Variants in SUCO observed in about 807,000 individuals in gnomAD.
SUCO encodes the protein SUN domain-containing ossification factor.
Under a neutral mutation model 148.1 loss-of-function variants are expected in SUCO, and 57 were observed. The observed-to-expected ratio is 0.38, with a 90% CI of 0.31 to 0.48. The LOEUF is 0.48. Among genes scored for constraint, SUCO ranks in the 20% least tolerant of loss-of-function variants. The pLI is 0.96. For synonymous variants in SUCO, 470 were observed against 502.7 expected (o/e 0.93, Z 0.87); for missense variants, 1,331 against 1,468.2 (o/e 0.91, Z 1.53).
In SUCO at chr1:172,568,627, A is replaced by G. The variant is rs558749612; in HGVS notation, c.733-392A>G. 2.0e-5 allele frequency among the ~76,000 whole-genome samples: 3 copies of G among 152,292 alleles called. No homozygotes were observed. In the South Asian group the frequency reaches 6.2e-4, roughly 32 times the overall value. The stretch of plus-strand genomic sequence containing the variant: ...AGGATATTGTGGAAATAATATTAAA[A>G]CATCTAAAATTATCTAGCTTCCTTT... On this transcript the variant is annotated intron_variant, in intron 6 of 23. Coordinates refer to ENST00000263688, the MANE Select transcript of SUCO (RefSeq NM_014283.5).
At chr1:172,559,135 C>CT (rs1285377907) in intron 6 of SUCO, among the ~76,000 whole-genome samples, 1 of 152,132 alleles carries the variant, frequency 6.6e-6, no homozygotes, top group African/African-American at 2.4e-5. Context: ...GTGCTAGCCT[C>CT]TTATTTCAAG....
intron 17 of SUCO, among the ~76,000 whole-genome samples, chr1:172,586,217 A>G (rs1300805685): frequency 2.6e-5 from 4 of 152,144 alleles, no homozygotes; most frequent in Admixed American, 6.5e-5. Flanking sequence ...ACTCTTTTCC[A>G]TACTGGAAAT....
At chr1:172,586,063 G>A (rs1656218253) in intron 17 of SUCO, 115 bp downstream of exon 17, 3 of 602,976 alleles carry the variant, frequency 5.0e-6, no homozygotes, top group Non-Finnish European at 8.2e-6. Context: ...AGAGAGCTCT[G>A]AATCATAGGA....
intron 1 of SUCO, chr1:172,551,026 A>C (rs1653255826): frequency 8.2e-6 from 2 of 243,072 alleles, no homozygotes; most frequent in Non-Finnish European, 1.3e-5. Context: ...AAGTACTATT[A>C]ACCTCTAGTA....
intron 1 of SUCO, among the ~76,000 whole-genome samples, chr1:172,543,841 A>G (rs771752509): frequency 6.6e-6 from 1 of 152,080 alleles, no homozygotes; most frequent in Non-Finnish European, 1.5e-5. Context: ...CTTACCTATT[A>G]GCAGATAGAC....
chr1:172,571,483 C>T (rs1187923056), intron 9 of SUCO, among the ~76,000 whole-genome samples: 13 of 151,584 alleles, frequency 8.6e-5, no homozygotes, highest in South Asian at 8.4e-4. Context: ...GCCGCCACCC[C>T]GTCTGGGAAG....
rs1656441851 is a variant in SUCO at position 172,589,124 on chromosome 1, G to A, written c.2023G>A (p.Val675Ile). Residue 675 changes from valine to isoleucine, a missense_variant, in exon 18 of 24, where the codon GTT (valine) becomes ATT (isoleucine). Transcript: ENST00000263688. ...ACTACTTCCTGCGGAATCAGTAGATGTTTCAGTATTGCAACCTCTGAGTGG... is the reference window on the plus strand; with the variant it reads ...ACTACTTCCTGCGGAATCAGTAGATATTTCAGTATTGCAACCTCTGAGTGG... ...PLLLPAESVD[V>I]SVLQPLSGEL... is the part of the protein sequence containing the mutation. 1.1e-5 allele frequency: 18 copies of A among 1,613,698 alleles called. No homozygotes were observed. Among genetic ancestry groups the A allele is most frequent in the Non-Finnish European group, 1.3e-5 (15 of 1,179,794 alleles).
intron 7 of SUCO, among the ~76,000 whole-genome samples, chr1:172,569,677 C>G (rs568375499): frequency 1.1e-4 from 16 of 151,876 alleles, no homozygotes; most frequent in African/African-American, 3.6e-4. Flanking sequence ...GCACATCTTG[C>G]GTGTGTACCC....
At chr1:172,555,303 C>G in intron 3 of SUCO, 1 of 732,016 alleles carries the variant, frequency 1.4e-6, no homozygotes, top group South Asian at 6.2e-5. Context: ...TAGGGTTGAT[C>G]TTGGAGGAGG....
rs9701109 is a variant in SUCO, at chr1:172,533,319, C to T, written c.-117C>T. On this transcript the variant is annotated 5_prime_UTR_variant, in exon 1 of 24. Coordinates refer to ENST00000263688, the MANE Select transcript of SUCO (RefSeq NM_014283.5). ...GAGCCGCTCAGCCAGCGCCATAGCC[C>T]TTAGGACTATCGGTCACATTCTCGC... is the stretch of plus-strand genomic sequence containing the variant. 1 of 1,551,116 alleles carries T rather than the reference C, an allele frequency of 6.4e-7. No individual in the cohort carries two copies. The highest frequency in any genetic ancestry group is 8.7e-7 in the Non-Finnish European group (1 of 1,146,992).
chr1:172,573,030 T>TAA (rs201475169), intron 9 of SUCO, among the ~76,000 whole-genome samples: 8 of 151,318 alleles, frequency 5.3e-5, no homozygotes, highest in African/African-American at 1.9e-4. Flanking sequence ...AGCATCATTT[T>TAA]AAAAAAAAAC....
chr1:172,561,378 G>A (rs1271497283), intron 6 of SUCO, among the ~76,000 whole-genome samples: 3 of 152,174 alleles, frequency 2.0e-5, no homozygotes, highest in Non-Finnish European at 4.4e-5. Flanking sequence ...GGGGATGTTT[G>A]TGAGATTTTT....
At chr1:172,609,692 GTTT>G in intron 23 of SUCO, 121 bp from the exon 24 acceptor site, 1 of 1,466,502 alleles carries the variant, frequency 6.8e-7, no homozygotes, top group East Asian at 2.4e-5. Context: ...GTTCTGTGCT[GTTT>G]ATAATACTGT....
chr1:172,549,891 G>GAAAA (rs60802914), intron 1 of SUCO, among the ~76,000 whole-genome samples: 2 of 143,918 alleles, frequency 1.4e-5, no homozygotes, highest in African/African-American at 2.5e-5. Flanking sequence ...TTCCTTCAGG[G>GAAAA]AAAAAAAAAA....
At chr1:172,597,093 C>T (rs185130419) in intron 19 of SUCO, among the ~76,000 whole-genome samples, 2 of 152,240 alleles carry the variant, frequency 1.3e-5, no homozygotes, top group African/African-American at 4.8e-5. Flanking sequence ...GAGCCATGCA[C>T]GGGATATAAT....
Position 172,578,402 on chromosome 1 carries a change from A to G in SUCO, c.1432+13A>G. The G allele has an allele frequency of 1.2e-6, 2 of 1,600,734 alleles. No individual in the cohort carries two copies. The highest frequency in any genetic ancestry group is 8.6e-7 in the Non-Finnish European group (1 of 1,168,426). On this transcript the variant is annotated intron_variant, in intron 14 of 23. Transcript: ENST00000263688. ...GATGAGGACTATGGTAAGTGACATCAAACAGATGACTGTTAGGTATATTTT... is the reference window on the plus strand; with the variant it reads ...GATGAGGACTATGGTAAGTGACATCGAACAGATGACTGTTAGGTATATTTT...
chr1:172,536,261 A>G lies in SUCO; in HGVS notation c.62+2764A>G, dbSNP rs761070614. 2.0e-5 allele frequency among the ~76,000 whole-genome samples: 3 copies of G among 152,216 alleles called. No homozygotes were observed. The South Asian group carries it at 6.2e-4, about 32-fold the overall frequency. On this transcript the variant is annotated intron_variant, in intron 1 of 23. Coordinates refer to ENST00000263688, the MANE Select transcript of SUCO (RefSeq NM_014283.5). ...GGCAGCACAGGCTCCTGAGTACTTT[A>G]TAGGTCAGAGGCCTGTATTTTATAT... is the stretch of plus-strand genomic sequence containing the variant.
At chr1:172,572,701 A>T (rs912915128) in intron 9 of SUCO, among the ~76,000 whole-genome samples, 113 of 136,156 alleles carry the variant, frequency 8.3e-4, no homozygotes, top group South Asian at 2.5e-3. Context: ...ATCAATAAAA[A>T]AAAAAAAAAA....
At chr1:172,578,473 T>G (rs528414161) in intron 14 of SUCO, 84 bp downstream of exon 14, 2 of 1,455,290 alleles carry the variant, frequency 1.4e-6, no homozygotes, top group Non-Finnish European at 1.8e-6. Flanking sequence ...TATAGCTTAC[T>G]TAAATCAATA....
Sources: gnomAD v4.1 joint callset for allele counts (sites outside exome capture counted in the v4.1 genomes callset) on GRCh38, gnomAD v4.1.1 for gene constraint, MANE v1.5 for transcripts, NCBI Gene and HGNC (gene_info 2026-07-23, HGNC 2026-07-21) for gene names.